CACNA1I: variants seen among roughly 807,000 people sequenced by gnomAD.
The protein encoded by CACNA1I is calcium voltage-gated channel subunit alpha1 I, also known as voltage-dependent T-type calcium channel subunit alpha-1I.
Under a neutral mutation model 201.6 loss-of-function variants are expected in CACNA1I, and 74 were observed. The observed-to-expected ratio is 0.37, with a 90% CI of 0.30 to 0.45. The LOEUF (loss-of-function observed/expected upper bound fraction) is 0.45, where lower values mean the gene tolerates loss of function less well. Among genes scored for constraint, CACNA1I ranks in the 20% least tolerant of loss-of-function variants. The pLI is 1.00. For synonymous variants in CACNA1I, 1,431 were observed against 1,345.2 expected (o/e 1.06, Z -1.40); for missense variants, 2,346 against 3,138.1 (o/e 0.75, Z 6.03).
At chr22:39,620,291 A>C (rs1344301623) in intron 4 of CACNA1I, among the ~76,000 whole-genome samples, 1 of 146,394 alleles carries the variant, frequency 6.8e-6, no homozygotes, top group Non-Finnish European at 1.5e-5. Context: ...GTACATACAT[A>C]CATCTGCTCA....
At chr22:39,615,790 C>T (rs1369054073) in intron 3 of CACNA1I, among the ~76,000 whole-genome samples, 2 of 152,134 alleles carry the variant, frequency 1.3e-5, no homozygotes, top group African/African-American at 2.4e-5. Context: ...GCAGAATACC[C>T]GCAAATGGTT....
rs1474765966 is a variant in CACNA1I, at chr22:39,689,617, T to C, written c.*3212T>C. On this transcript the variant is annotated 3_prime_UTR_variant, in exon 37 of 37. Transcript: ENST00000402142. ...TACAGTTTCTATGGTGTGAATGAAC[T>C]TCCCTCCTAGTTGCTGATGGCGCTG... 3 of 152,716 alleles carry C rather than the reference T, an allele frequency of 2.0e-5. No individual in the cohort carries two copies. Among genetic ancestry groups the C allele is most frequent in the African/African-American group, 7.2e-5 (3 of 41,482 alleles). 9.5% of individuals were successfully genotyped at this position (152,716 alleles called of 1,614,324 possible).
At chr22:39,668,562 G>A (rs894131598) in intron 24 of CACNA1I, among the ~76,000 whole-genome samples, 181 bp downstream of exon 24, 9 of 152,110 alleles carry the variant, frequency 5.9e-5, no homozygotes, top group African/African-American at 9.7e-5. Context: ...GTCCCTCCTC[G>A]GGTAGCGTAA....
intron 1 of CACNA1I, among the ~76,000 whole-genome samples, chr22:39,597,243 GAC>G (rs1314302064): frequency 6.6e-6 from 1 of 152,200 alleles, no homozygotes; most frequent in Non-Finnish European, 1.5e-5. Context: ...GGCTGGAAGT[GAC>G]ACAGCCCTGA....
chr22:39,605,416 T>C (rs965273060), intron 3 of CACNA1I, among the ~76,000 whole-genome samples: 1 of 152,172 alleles, frequency 6.6e-6, no homozygotes, highest in Non-Finnish European at 1.5e-5. Context: ...ACTAGAAAGC[T>C]CTTTCTTTCA....
rs749234745 is a variant in CACNA1I at position 39,686,366 on chromosome 22, G to A, written c.6633G>A (p.Glu2211=). Residue 2211 remains glutamate (E), a synonymous_variant, in exon 37 of 37, where the codon GAG becomes GAA. Transcript: ENST00000402142. ...CCCCGCCGCAACCGCTCCCCGGAGA[G>A]CTGGAGCCGGGAGACGCCGCCAGCA... ...LAPPPQPLPG[E]LEPGDAASKR... is the part of the protein sequence containing the mutation. The A allele has an allele frequency of 2.3e-6, 3 of 1,310,234 alleles. No individual in the cohort carries two copies. In the South Asian group the frequency reaches 5.9e-5, roughly 26 times the overall value. The allele number at this position is 1,310,234 out of a possible 1,614,324, so 81.2% of individuals were successfully genotyped here.
At chr22:39,658,004 G>T in intron 10 of CACNA1I, 148 bp from the exon 11 acceptor site, 1 of 770,742 alleles carries the variant, frequency 1.3e-6, no homozygotes, top group Non-Finnish European at 2.1e-6. Flanking sequence ...GGGCCCTCGG[G>T]GCCTTGTGCA....
In CACNA1I at chr22:39,650,752, A is replaced by C. The variant is rs143322682; in HGVS notation, c.1992+827A>C. ...CATGTCCCTCCTGTGGGCTGGGAGCAGGGAGGACAGGAGGAGTGGGCGCTG... is the reference window on the plus strand; with the variant it reads ...CATGTCCCTCCTGTGGGCTGGGAGCCGGGAGGACAGGAGGAGTGGGCGCTG... On this transcript the variant is annotated intron_variant, in intron 10 of 36. Coordinates refer to ENST00000402142, the MANE Select transcript of CACNA1I (RefSeq NM_021096.4). Among the ~76,000 whole-genome samples, 721 of 152,336 alleles carry C rather than the reference A, an allele frequency of 4.7e-3. 3 individuals are homozygous for C. Among genetic ancestry groups the C allele is most frequent in the African/African-American group, 0.015 (643 of 41,560 alleles).
rs916770261 is a variant in CACNA1I at position 39,665,825 on chromosome 22, C to T, written c.3979-56C>T. ...GTAAACGCGATCGAGAGGCGAGTTCCTCTCTGACTTGCAACCCTCACCTGT... is the reference window on the plus strand; with the variant it reads ...GTAAACGCGATCGAGAGGCGAGTTCTTCTCTGACTTGCAACCCTCACCTGT... On this transcript the variant is annotated intron_variant, in intron 22 of 36. Transcript: ENST00000402142. The surrounding 1 kb of genome is among the most constrained non-coding windows in gnomAD (Gnocchi z 5.5). The T allele has an allele frequency of 6.2e-7, 1 of 1,610,396 alleles. No individual in the cohort carries two copies. The highest frequency in any genetic ancestry group is 8.5e-7 in the Non-Finnish European group (1 of 1,177,276).
At chr22:39,583,712 G>C (rs1234740501) in intron 1 of CACNA1I, among the ~76,000 whole-genome samples, 1 of 152,178 alleles carries the variant, frequency 6.6e-6, no homozygotes, top group African/African-American at 2.4e-5. Context: ...CCATTCTACT[G>C]TCTGCTGAAT....
intron 2 of CACNA1I, among the ~76,000 whole-genome samples, chr22:39,598,595 C>A (rs1272312754): frequency 7.2e-5 from 11 of 152,076 alleles, no homozygotes; most frequent in Non-Finnish European, 7.4e-5. Flanking sequence ...GGTGCCCCCA[C>A]CAGCCTTCTC....
At chr22:39,610,591 G>C (rs952746178) in intron 3 of CACNA1I, among the ~76,000 whole-genome samples, 1 of 152,186 alleles carries the variant, frequency 6.6e-6, no homozygotes, top group Non-Finnish European at 1.5e-5. Context: ...AATCGGGAAG[G>C]ACTATCTCTG....
intron 10 of CACNA1I, among the ~76,000 whole-genome samples, chr22:39,657,314 C>T (rs1018521594): frequency 2.0e-5 from 3 of 152,204 alleles, no homozygotes; most frequent in African/African-American, 4.8e-5. Flanking sequence ...CTCTGACCAA[C>T]TAGTGGCTTT....
intron 3 of CACNA1I, among the ~76,000 whole-genome samples, chr22:39,615,037 T>C (rs1013885247): frequency 3.9e-5 from 6 of 152,258 alleles, no homozygotes; most frequent in African/African-American, 1.4e-4. Context: ...CTGTAAGCGA[T>C]GTCTTATTTG....
chr22:39,592,333 G>A (rs948366272), intron 1 of CACNA1I, among the ~76,000 whole-genome samples: 5 of 152,224 alleles, frequency 3.3e-5, no homozygotes, highest in South Asian at 2.1e-4. Context: ...GAGGGTTTCC[G>A]TGTGAGTTTG....
intron 7 of CACNA1I, among the ~76,000 whole-genome samples, chr22:39,645,756 G>A (rs1394005230): frequency 6.6e-6 from 1 of 152,192 alleles, no homozygotes; most frequent in Non-Finnish European, 1.5e-5. Flanking sequence ...GCTGGGGAGG[G>A]GGCTGCGCCC....
chr22:39,679,896 CT>C (rs1304238498), intron 33 of CACNA1I, 28 bp downstream of exon 33: 19 of 1,602,994 alleles, frequency 1.2e-5, no homozygotes, highest in Non-Finnish European at 1.5e-5. Context: ...GGCCTGGCCC[CT>C]TGTGGCAGGG....
At chr22:39,633,838 C>A (rs1387886199) in intron 4 of CACNA1I, among the ~76,000 whole-genome samples, 1 of 152,208 alleles carries the variant, frequency 6.6e-6, no homozygotes, top group African/African-American at 2.4e-5. Flanking sequence ...TCTGTAGAGC[C>A]CGTTAGCAGG....
intron 1 of CACNA1I, among the ~76,000 whole-genome samples, chr22:39,574,551 G>A (rs746058697): frequency 3.9e-5 from 6 of 152,106 alleles, no homozygotes; most frequent in Non-Finnish European, 8.8e-5. Context: ...ACTCCCTCTT[G>A]TGCTCTGTGG....
Sources: allele counts gnomAD v4.1 joint callset (sites outside exome capture counted in the v4.1 genomes callset), GRCh38; gene constraint gnomAD v4.1.1; non-coding constraint Gnocchi (gnomAD v3.1); transcripts MANE v1.5; gene names NCBI Gene and HGNC (gene_info 2026-07-23, HGNC 2026-07-21).